Variants in TMEM117 observed in about 807,000 individuals in gnomAD.
TMEM117 encodes transmembrane protein 117.
Under a neutral mutation model 52.4 loss-of-function variants are expected in TMEM117, and 27 were observed. The ratio of observed to expected loss-of-function variants is 0.51; its 90% CI spans 0.38 to 0.71. The LOEUF (loss-of-function observed/expected upper bound fraction) is 0.71, where lower values mean the gene tolerates loss of function less well. Among genes scored for constraint, TMEM117 ranks in the 30% least tolerant of loss-of-function variants. TMEM117 has a pLI of 0.00. For synonymous variants in TMEM117, 215 were observed against 206.3 expected, an observed-to-expected ratio of 1.04 and a Z score of -0.36; for missense variants, 556 against 630.5, an observed-to-expected ratio of 0.88 and a Z score of 1.26.
At chr12:43,804,143 C>A in the TMEM117 span, 1 of 376,898 alleles carries the variant, frequency 2.7e-6, no homozygotes, top group Non-Finnish European at 5.3e-6. Flanking sequence ...TTGAATAATT[C>A]ACAAGTAACT....
chr12:44,136,378 G>C (rs1240560856), intron 3 of TMEM117, among the ~76,000 whole-genome samples: 1 of 152,098 alleles, frequency 6.6e-6, no homozygotes, highest in Non-Finnish European at 1.5e-5. Flanking sequence ...TTGGGAAGTT[G>C]ATAAAAGAAA....
chr12:44,309,474 C>T (rs554360271), intron 6 of TMEM117, among the ~76,000 whole-genome samples: 4 of 152,094 alleles, frequency 2.6e-5, no homozygotes, highest in Admixed American at 2.6e-4. Context: ...GAACACTGCA[C>T]AGTGAAATGA....
intron 2 of TMEM117, among the ~76,000 whole-genome samples, chr12:43,867,566 A>G (rs1943625054): frequency 1.3e-5 from 2 of 152,212 alleles, no homozygotes; most frequent in African/African-American, 4.8e-5. Flanking sequence ...TGATCCAAGT[A>G]TATAGTGTTT....
chr12:44,107,043 T>G (rs1947967767), intron 3 of TMEM117, among the ~76,000 whole-genome samples: 1 of 152,086 alleles, frequency 6.6e-6, no homozygotes, highest in South Asian at 2.1e-4. Flanking sequence ...AAGTTGATGA[T>G]GGTATAATTT....
At chr12:44,157,627 T>TA (rs1468775987) in intron 4 of TMEM117, among the ~76,000 whole-genome samples, 1 of 152,138 alleles carries the variant, frequency 6.6e-6, no homozygotes, top group Non-Finnish European at 1.5e-5. Context: ...ATTATAAATA[T>TA]ACCTGATGTT....
chr12:43,947,158 A>T (rs1945146888), intron 3 of TMEM117, among the ~76,000 whole-genome samples: 2 of 152,130 alleles, frequency 1.3e-5, no homozygotes, highest in Admixed American at 6.6e-5. Flanking sequence ...ACAGAGTGAG[A>T]CTTTGTCTCT....
At chr12:43,884,391 A>C (rs1943953722) in intron 2 of TMEM117, among the ~76,000 whole-genome samples, 1 of 152,076 alleles carries the variant, frequency 6.6e-6, no homozygotes, top group Non-Finnish European at 1.5e-5. Context: ...ATTCATTCAA[A>C]CTCATTTTCC....
intron 3 of TMEM117, among the ~76,000 whole-genome samples, chr12:44,028,750 G>A (rs1946583647): frequency 6.6e-6 from 1 of 152,336 alleles, no homozygotes; most frequent in East Asian, 1.9e-4. Flanking sequence ...TGCCTACGGA[G>A]TAGTCATTCT....
At chr12:43,796,951 G>C in the TMEM117 span, 1 of 1,603,100 alleles carries the variant, frequency 6.2e-7, no homozygotes, top group East Asian at 2.2e-5. Context: ...AGCAAAAACT[G>C]AAGATTTTAA....
intron 4 of TMEM117, among the ~76,000 whole-genome samples, chr12:44,166,642 T>C (rs1450144651): frequency 6.6e-6 from 1 of 152,234 alleles, no homozygotes; most frequent in Non-Finnish European, 1.5e-5. Context: ...CATGTTTTAC[T>C]ACTTAAATGA....
the TMEM117 span, chr12:43,795,851 C>G: frequency 3.3e-6 from 4 of 1,230,454 alleles, no homozygotes; most frequent in Non-Finnish European, 4.6e-6. Context: ...AATACCCTTT[C>G]CAGTAAGGCA....
chr12:44,147,216 G>A (rs7969885), intron 4 of TMEM117, among the ~76,000 whole-genome samples: 364 of 152,146 alleles, frequency 2.4e-3, no homozygotes, highest in Middle Eastern at 3.4e-3. Context: ...AGAGAAAAGC[G>A]CTGTCATGAA....
intron 3 of TMEM117, among the ~76,000 whole-genome samples, chr12:44,063,033 C>T (rs1360855629): frequency 3.3e-5 from 5 of 152,146 alleles, no homozygotes; most frequent in Admixed American, 1.3e-4. Flanking sequence ...ACCTGCTGTA[C>T]GGAGACACAC....
intron 2 of TMEM117, among the ~76,000 whole-genome samples, chr12:43,854,721 C>T (rs1171762530): frequency 6.6e-6 from 1 of 152,132 alleles, no homozygotes; most frequent in African/African-American, 2.4e-5. Flanking sequence ...ACTGCAACCT[C>T]TGCCTCTCAG....
intron 3 of TMEM117, among the ~76,000 whole-genome samples, chr12:44,077,661 C>A (rs1947403297): frequency 6.6e-6 from 1 of 152,104 alleles, no homozygotes; most frequent in South Asian, 2.1e-4. Context: ...ATATTCTAAT[C>A]ACTTTTTTTT....
At chr12:44,363,940 A>C (rs1951756811) in intron 6 of TMEM117, among the ~76,000 whole-genome samples, 1 of 152,180 alleles carries the variant, frequency 6.6e-6, no homozygotes, top group South Asian at 2.1e-4. Flanking sequence ...AACCTTCTTC[A>C]GAGAACTGAT....
chr12:44,334,859 C>T (rs1384212450), intron 6 of TMEM117, among the ~76,000 whole-genome samples: 1 of 151,868 alleles, frequency 6.6e-6, no homozygotes, highest in African/African-American at 2.4e-5. Context: ...ATGCTCAACA[C>T]TATAAAAATC....
chr12:44,078,034 A>C (rs1267349099), intron 3 of TMEM117, among the ~76,000 whole-genome samples: 1 of 152,200 alleles, frequency 6.6e-6, no homozygotes, highest in Non-Finnish European at 1.5e-5. Flanking sequence ...AATGCAAAAA[A>C]CCAAAGAGAC....
At chr12:44,264,368 C>G (rs962698989) in intron 5 of TMEM117, among the ~76,000 whole-genome samples, 5 of 152,134 alleles carry the variant, frequency 3.3e-5, no homozygotes, top group Admixed American at 2.6e-4. Flanking sequence ...GGTGTTGTAC[C>G]TTCAGAATCC....
Sources: allele counts gnomAD v4.1 joint callset (sites outside exome capture counted in the v4.1 genomes callset), GRCh38; gene constraint gnomAD v4.1.1; transcripts MANE v1.5; gene names NCBI Gene and HGNC (gene_info 2026-07-23, HGNC 2026-07-21).